The following COL13A1 variants were observed in gnomAD, a reference collection of about 807,000 sequenced individuals.
COL13A1 encodes collagen type XIII alpha 1 chain, also known as collagen alpha-1(XIII) chain.
A neutral mutation model predicts 130.9 loss-of-function variants in COL13A1; 89 were observed. The ratio of observed to expected loss-of-function variants is 0.68; its 90% CI spans 0.57 to 0.81. The LOEUF (loss-of-function observed/expected upper bound fraction) is 0.81, where lower values mean the gene tolerates loss of function less well. Ranked by LOEUF, COL13A1 falls within the 30% of genes least tolerant of loss-of-function variation. COL13A1 has a pLI of 0.00. For missense variants in COL13A1, 879 were observed against 934.6 expected (o/e 0.94, Z 0.78); for synonymous variants, 402 against 341.6 (o/e 1.18, Z -1.95).
chr10:69,839,680 C>T (rs2133200107), intron 2 of COL13A1, among the ~76,000 whole-genome samples: 1 of 152,364 alleles, frequency 6.6e-6, no homozygotes, highest in East Asian at 1.9e-4. Context: ...GGGGAATGAG[C>T]ATGCTGGTTA....
chr10:69,824,516 G>A (rs534907243), intron 2 of COL13A1, among the ~76,000 whole-genome samples: 9 of 152,234 alleles, frequency 5.9e-5, no homozygotes, highest in Admixed American at 5.2e-4. Flanking sequence ...TGTGGCAGGA[G>A]GGGGAAGGAC....
At chr10:69,836,542 A>T (rs930038853) in intron 2 of COL13A1, among the ~76,000 whole-genome samples, 7 of 152,188 alleles carry the variant, frequency 4.6e-5, no homozygotes, top group Non-Finnish European at 1.0e-4. Flanking sequence ...TCAGAGCTCC[A>T]GCTGCTCATT....
At chr10:69,829,918 A>G (rs770770503) in intron 2 of COL13A1, among the ~76,000 whole-genome samples, 12 of 152,218 alleles carry the variant, frequency 7.9e-5, no homozygotes, top group Non-Finnish European at 1.3e-4. Context: ...TCCCAAAAGC[A>G]CTTCCAGATC....
At chr10:69,883,478 G>A (rs1325923375) in intron 7 of COL13A1, among the ~76,000 whole-genome samples, 1 of 152,246 alleles carries the variant, frequency 6.6e-6, no homozygotes, top group African/African-American at 2.4e-5. Flanking sequence ...AGAGCCCAGT[G>A]CCTGCTAGGT....
intron 1 of COL13A1, among the ~76,000 whole-genome samples, chr10:69,808,279 CCTT>C (rs1294547846): frequency 4.6e-5 from 7 of 152,164 alleles, no homozygotes; most frequent in African/African-American, 1.7e-4. Flanking sequence ...TGTCTTTTCC[CCTT>C]CTTCTTAATC....
At position 69,952,904 on chromosome 10, in the gene COL13A1, C is replaced by A; in HGVS notation, c.2081C>A (p.Ser694Tyr). The A allele has an allele frequency of 6.4e-7, 1 of 1,555,546 alleles. No homozygotes were observed. The highest frequency in any genetic ancestry group is 8.6e-7 in the Non-Finnish European group (1 of 1,159,524). ...CAGGGGGAGAGGGGGAAGAAAGGCT[C>A]TAGAGGGCCTAAAGGGGATAAGGGA... is the stretch of plus-strand genomic sequence containing the variant. ...GNRGERGKKG[S>Y]RGPKGDKGDQ... The change falls in exon 39 of 41, where the codon TCT becomes TAT. Residue 694 changes from serine to tyrosine, a missense_variant. By Grantham distance (144) the Ser-to-Tyr change is moderately radical. Around this residue, in one of 3 missense-constraint regions of COL13A1, gnomAD observed 68 missense variants for 65.8 expected, o/e 1.03. Coordinates refer to ENST00000645393, the MANE Select transcript of COL13A1 (RefSeq NM_001368882.1).
chr10:69,895,609 T>C, intron 13 of COL13A1, 33 bp downstream of exon 13: 1 of 1,612,638 alleles, frequency 6.2e-7, no homozygotes, highest in Non-Finnish European at 8.5e-7. Flanking sequence ...GCAGGGCACT[T>C]TGATCCATCC....
chr10:69,925,735 A>AGCAGGCCACAGT, intron 25 of COL13A1, 69 bp from the exon 26 acceptor site: 2 of 1,177,444 alleles, frequency 1.7e-6, no homozygotes, highest in African/African-American at 3.0e-5. Context: ...GCTGATAGAG[A>AGCAGGCCACAGT]GCAGGCCACA....
At chr10:69,904,905 CTTTTTT>C (rs60054259) in intron 15 of COL13A1, 22 bp from the exon 16 acceptor site, 162 of 1,475,388 alleles carry the variant, frequency 1.1e-4, no homozygotes, top group Middle Eastern at 4.2e-4. Flanking sequence ...TTTCTTTTTT[CTTTTTT>C]TTTTTTTTTT....
chr10:69,858,968 A>C (rs1161098429), intron 2 of COL13A1, among the ~76,000 whole-genome samples: 1 of 152,182 alleles, frequency 6.6e-6, no homozygotes, highest in African/African-American at 2.4e-5. Flanking sequence ...AATAGTACCG[A>C]GACTGCCTGT....
At chr10:69,879,131 G>A (rs2134271892) in intron 6 of COL13A1, among the ~76,000 whole-genome samples, 1 of 152,358 alleles carries the variant, frequency 6.6e-6, no homozygotes, top group East Asian at 1.9e-4. Flanking sequence ...GAGAGGCCAA[G>A]TCACATGCCC....
chr10:69,937,404 G>C (rs1200600372), intron 33 of COL13A1, among the ~76,000 whole-genome samples: 1 of 152,118 alleles, frequency 6.6e-6, no homozygotes, highest in African/African-American at 2.4e-5. Flanking sequence ...TTGTCCCCAG[G>C]CCACCTAGTC....
chr10:69,812,152 G>A (rs117985569), intron 1 of COL13A1, among the ~76,000 whole-genome samples: 3,024 of 152,316 alleles, frequency 0.02, 57 homozygotes, highest in Non-Finnish European at 0.035. Context: ...GCTAGAGACC[G>A]CATTGCTAAA....
At chr10:69,865,271 C>A (rs1229008271) in intron 2 of COL13A1, among the ~76,000 whole-genome samples, 1 of 152,218 alleles carries the variant, frequency 6.6e-6, no homozygotes, top group Non-Finnish European at 1.5e-5. Context: ...GTAATGGGCA[C>A]AGCCAAGTGG....
chr10:69,823,775 C>T (rs1382356653), intron 2 of COL13A1, among the ~76,000 whole-genome samples: 1 of 152,054 alleles, frequency 6.6e-6, no homozygotes, highest in Non-Finnish European at 1.5e-5. Flanking sequence ...AAAAGGGTGT[C>T]CAGAAGCCCT....
chr10:69,918,242 G>A (rs374755253), intron 18 of COL13A1, 43 bp from the exon 19 acceptor site: 24 of 1,600,986 alleles, frequency 1.5e-5, no homozygotes, highest in Non-Finnish European at 1.8e-5. Flanking sequence ...CTGCCCCCTC[G>A]CTGCAGAATG....
At chr10:69,813,465 G>C (rs929016358) in intron 1 of COL13A1, among the ~76,000 whole-genome samples, 1 of 152,170 alleles carries the variant, frequency 6.6e-6, no homozygotes, top group Non-Finnish European at 1.5e-5. Context: ...TCTGTGTGTG[G>C]TTCTGGTGAG....
chr10:69,898,547 C>A, intron 13 of COL13A1, 150 bp from the exon 14 acceptor site: 1 of 610,894 alleles, frequency 1.6e-6, no homozygotes, highest in Non-Finnish European at 2.9e-6. Flanking sequence ...TTCCCTCCCA[C>A]TCCTCATGTG....
intron 36 of COL13A1, among the ~76,000 whole-genome samples, chr10:69,944,650 C>T (rs1049533484): frequency 2.1e-5 from 3 of 145,330 alleles, no homozygotes; most frequent in Non-Finnish European, 4.5e-5. Context: ...CAGAGCAAGA[C>T]CTTATCTCTA....
Sources: gnomAD v4.1 joint callset for allele counts (sites outside exome capture counted in the v4.1 genomes callset) on GRCh38, gnomAD v4.1.1 for gene constraint, gnomAD v4.1.1 regional missense constraint, MANE v1.5 for transcripts, NCBI Gene and HGNC (gene_info 2026-07-23, HGNC 2026-07-21) for gene names.